The following ATP8B2 variants were observed in gnomAD, a reference collection of about 807,000 sequenced individuals.
The protein encoded by ATP8B2 is phospholipid-transporting ATPase ID.
ATP8B2 carries 70 observed loss-of-function variants against 133.4 expected under a neutral mutation model. The observed-to-expected ratio is 0.52, with a 90% confidence interval of 0.43 to 0.64. The LOEUF (loss-of-function observed/expected upper bound fraction) is 0.64. ATP8B2 is among the 30% of genes least tolerant of loss of function. The pLI is 0.00. For missense variants in ATP8B2, 1,101 were observed against 1,535.7 expected (o/e 0.72, Z 4.73); for synonymous variants, 517 against 589.5 (o/e 0.88, Z 1.78).
rs1285153259 is a variant in ATP8B2, at chr1:154,344,240, C to G, written c.2021C>G (p.Thr674Ser). The G allele has an allele frequency of 2.5e-6, 4 of 1,614,068 alleles. No homozygotes were observed. In the Admixed American group the frequency reaches 6.7e-5, roughly 27 times the overall value. The change falls in exon 19 of 28, where the codon ACC (threonine) becomes AGC (serine). Residue 674 changes from threonine to serine, a missense_variant. Transcript: ENST00000368489. This position sits in a 1 kb window ranked among gnomAD's most constrained non-coding sequence, Gnocchi z 4.1. ...GCCAACATCAAGATTTGGGTGCTAA[C>G]CGGAGACAAGCAAGGTGAGAGCCCA... ...TLANIKIWVL[T>S]GDKQETAVNI...
At chr1:154,342,712 G>T (rs1238459857) in intron 14 of ATP8B2, 84 bp from the exon 15 acceptor site, 4 of 1,528,376 alleles carry the variant, frequency 2.6e-6, no homozygotes, top group Non-Finnish European at 2.7e-6. Flanking sequence ...AGCCTACTGA[G>T]AGTTGGGAGG....
chr1:154,346,742 C>A lies in ATP8B2; in HGVS notation c.3147C>A (p.Asn1049Lys). The A allele has an allele frequency of 6.2e-7, 1 of 1,614,204 alleles. No individual in the cohort carries two copies. The highest frequency in any genetic ancestry group is 8.5e-7 in the Non-Finnish European group (1 of 1,180,040). ...HSNGLFDMFP[N>K]QFRFVGNAQN... ...ATGGGCTCTTCGACATGTTTCCCAA[C>A]CAGTTCCGGTTTGTGGGTAAGTCCC... The change falls in exon 26 of 28, where the codon AAC becomes AAA. Residue 1049 changes from asparagine to lysine, a missense_variant. Asn to Lys is a moderately conservative substitution (Grantham distance 94, BLOSUM62 0). Transcript: ENST00000368489. The surrounding 1 kb of genome is among the most constrained non-coding windows in gnomAD (Gnocchi z 4.5).
chr1:154,330,919 CA>C lies in ATP8B2; in HGVS notation c.196del (p.Ile66PhefsTer4), dbSNP rs1483915764. 1 of 1,613,560 alleles carries C rather than the reference CA, an allele frequency of 6.2e-7. No individual in the cohort carries two copies. Among genetic ancestry groups the C allele is most frequent in the Admixed American group, 1.7e-5 (1 of 60,016 alleles). On this transcript the variant is annotated frameshift_variant, in exon 4 of 28. Transcript: ENST00000368489. LOFTEE classifies it high-confidence loss of function. ...CCAACACTTACTTCCTGTTCCTCCT[CA>C]TTCTGCAGGTAGGTGACCCATAGTA... ...VANTYFLFLL[I>X]LQLIPQISSL...
chr1:154,337,201 C>G (rs954782558), intron 11 of ATP8B2, 147 bp from the exon 12 acceptor site: 1 of 791,396 alleles, frequency 1.3e-6, no homozygotes, highest in African/African-American at 1.7e-5. Context: ...TGTTGGGCCA[C>G]ATGTGGCCCA....
chr1:154,342,092 G>T (rs1005699892), intron 13 of ATP8B2, among the ~76,000 whole-genome samples: 1 of 152,132 alleles, frequency 6.6e-6, no homozygotes, highest in African/African-American at 2.4e-5. Flanking sequence ...GACCCCTCTT[G>T]TGACTGCTTT....
rs760170364 is a variant in ATP8B2, at chr1:154,351,030, C to G, written c.*1912C>G. On this transcript the variant is annotated 3_prime_UTR_variant, in exon 28 of 28. Transcript: ENST00000368489. ...CCCAGTATCATGTCTGTCTGTGTGT[C>G]TCTCAAGGTGAGAGTCTGATTTTTA... 27 of 151,924 alleles carry G rather than the reference C, an allele frequency of 1.8e-4. No homozygotes were observed. The highest frequency in any genetic ancestry group is 3.7e-4 in the Non-Finnish European group (25 of 67,954). 9.4% of individuals were successfully genotyped at this position (151,924 alleles called of 1,614,324 possible).
At position 154,340,291 on chromosome 1, in the gene ATP8B2, G is replaced by C. The variant is rs1003099826; in HGVS notation, c.1035-563G>C. 1.3e-5 allele frequency among the ~76,000 whole-genome samples: 2 copies of C among 152,126 alleles called. No homozygotes were observed. Among genetic ancestry groups the C allele is most frequent in the Non-Finnish European group, 2.9e-5 (2 of 68,006 alleles). Reference sequence around the variant, plus strand: ...TGGAGTCAGCACCTCAGCCCTGCCCGGTGTTCAGAATCAGGAATGTAGTGC... The same window carrying C: ...TGGAGTCAGCACCTCAGCCCTGCCCCGTGTTCAGAATCAGGAATGTAGTGC... On this transcript the variant is annotated intron_variant, in intron 12 of 27. Coordinates refer to ENST00000368489, the MANE Select transcript of ATP8B2 (RefSeq NM_001370597.1). This position sits in a 1 kb window ranked among gnomAD's most constrained non-coding sequence, Gnocchi z 4.0.
rs1686566943 is a variant in ATP8B2 at position 154,345,937 on chromosome 1, G to A, written c.2778+54G>A. On this transcript the variant is annotated intron_variant, in intron 24 of 27. Coordinates refer to ENST00000368489, the MANE Select transcript of ATP8B2 (RefSeq NM_001370597.1). This position sits in a 1 kb window ranked among gnomAD's most constrained non-coding sequence, Gnocchi z 5.6. Reference sequence around the variant, plus strand: ...ATGCGGGGAAGGTCACTGCTTGAAGGAGTCACATAGACGTGGTGTGTGACA... The same window carrying A: ...ATGCGGGGAAGGTCACTGCTTGAAGAAGTCACATAGACGTGGTGTGTGACA... 3.4e-6 allele frequency: 5 copies of A among 1,476,048 alleles called. No individual in the cohort carries two copies. The highest frequency in any genetic ancestry group is 4.7e-6 in the Non-Finnish European group (5 of 1,056,454). The allele number at this position is 1,476,048 out of a possible 1,614,324, so 91.4% of individuals were successfully genotyped here.
At chr1:154,342,078 T>C (rs977563889) in intron 13 of ATP8B2, among the ~76,000 whole-genome samples, 19 of 152,102 alleles carry the variant, frequency 1.2e-4, no homozygotes, top group Admixed American at 7.9e-4. Context: ...TTATGCAGAG[T>C]GTGGACCCCT....
intron 1 of ATP8B2, among the ~76,000 whole-genome samples, chr1:154,326,254 A>G (rs766905428): frequency 1.3e-5 from 2 of 152,154 alleles, no homozygotes; most frequent in African/African-American, 4.8e-5. Flanking sequence ...GTTGGTGGCC[A>G]GTGAGCTGGA....
In ATP8B2 at chr1:154,331,341, G is replaced by A. The variant is rs544342606; in HGVS notation, c.304-103G>A. On this transcript the variant is annotated intron_variant, in intron 5 of 27. Coordinates refer to ENST00000368489, the MANE Select transcript of ATP8B2 (RefSeq NM_001370597.1). This position sits in a 1 kb window ranked among gnomAD's most constrained non-coding sequence, Gnocchi z 4.8. Reference sequence around the variant, plus strand: ...TCAGGGAGTGAACTGGTTTGTGATGGGGTGTGTATGAGGCGTTAACCAGCA... The same window carrying A: ...TCAGGGAGTGAACTGGTTTGTGATGAGGTGTGTATGAGGCGTTAACCAGCA... The A allele has an allele frequency of 2.4e-5, 31 of 1,287,052 alleles. No individual in the cohort carries two copies. In the African/African-American group the frequency reaches 4.2e-4, roughly 18 times the overall value. 79.7% of individuals were successfully genotyped at this position (1,287,052 alleles called of 1,614,324 possible). A position where few individuals can be genotyped will look rare whatever the true frequency, so the allele number is the denominator to read the frequency against.
In ATP8B2 at chr1:154,331,886, G is replaced by A; in HGVS notation, c.439-68G>A. 6.7e-7 allele frequency: 1 copy of A among 1,495,930 alleles called. No individual in the cohort carries two copies. Among genetic ancestry groups the A allele is most frequent in the Non-Finnish European group, 9.3e-7 (1 of 1,073,360 alleles). The allele number at this position is 1,495,930 out of a possible 1,614,324, so 92.7% of individuals were successfully genotyped here. A position where few individuals can be genotyped will look rare whatever the true frequency, so the allele number is the denominator to read the frequency against. ...AAACCAAGAATGCTTAGTGGAAGGAGCCACCATTACAGCCCACTGGGGGTG... is the reference window on the plus strand; with the variant it reads ...AAACCAAGAATGCTTAGTGGAAGGAACCACCATTACAGCCCACTGGGGGTG... On this transcript the variant is annotated intron_variant, in intron 7 of 27. Transcript: ENST00000368489. The surrounding 1 kb of genome is among the most constrained non-coding windows in gnomAD (Gnocchi z 4.8).
Position 154,344,277 on chromosome 1 carries a change from C to T in ATP8B2, c.2035+23C>T. 6.2e-7 allele frequency: 1 copy of T among 1,614,014 alleles called. No homozygotes were observed. The highest frequency in any genetic ancestry group is 8.5e-7 in the Non-Finnish European group (1 of 1,179,866). ...AAGGTGAGAGCCCAGCAGGGCAGAG[C>T]CAGTTGCAACTGACAGTAGCCCTGT... On this transcript the variant is annotated intron_variant, in intron 19 of 27. Transcript: ENST00000368489. The surrounding 1 kb of genome is among the most constrained non-coding windows in gnomAD (Gnocchi z 4.1).
At position 154,340,661 on chromosome 1, in the gene ATP8B2, C is replaced by T. The variant is rs1420915074; in HGVS notation, c.1035-193C>T. 1.5e-5 allele frequency: 9 copies of T among 615,058 alleles called. No individual in the cohort carries two copies. Among genetic ancestry groups the T allele is most frequent in the African/African-American group, 1.1e-4 (6 of 53,826 alleles). The allele number at this position is 615,058 out of a possible 1,614,324, so 38.1% of individuals were successfully genotyped here. A position where few individuals can be genotyped will look rare whatever the true frequency, so the allele number is the denominator to read the frequency against. On this transcript the variant is annotated intron_variant, in intron 12 of 27. Transcript: ENST00000368489. The surrounding 1 kb of genome is among the most constrained non-coding windows in gnomAD (Gnocchi z 4.0). ...GAGCATCAGGAGGGTCGGGTCGGGG[C>T]GTTCCTCTGCTGGCTGTGTGCAGCC...
rs141457358 is a variant in ATP8B2, at chr1:154,343,899, G to T, written c.1765G>T (p.Ala589Ser). 2.5e-6 allele frequency: 4 copies of T among 1,608,898 alleles called. No individual in the cohort carries two copies. Among genetic ancestry groups the T allele is most frequent in the Non-Finnish European group, 3.4e-6 (4 of 1,177,526 alleles). ...NTTMDHLNEY[A>S]GEGLRTLVLA... ...CTTTCCACTCTGCCTCCAGGAGTACGCAGGGGAAGGGCTGAGGACCCTGGT... is the reference window on the plus strand; with the variant it reads ...CTTTCCACTCTGCCTCCAGGAGTACTCAGGGGAAGGGCTGAGGACCCTGGT... Residue 589 changes from alanine to serine, a missense_variant, in exon 18 of 28, where the codon GCA becomes TCA. Physicochemically the swap from Ala to Ser is moderately conservative, Grantham distance 99 (BLOSUM62 1). Coordinates refer to ENST00000368489, the MANE Select transcript of ATP8B2 (RefSeq NM_001370597.1). The surrounding 1 kb of genome is among the most constrained non-coding windows in gnomAD (Gnocchi z 5.8).
Position 154,347,513 on chromosome 1 carries a change from C to T in ATP8B2, c.3163+755C>T, listed in dbSNP as rs73022701. Among the ~76,000 whole-genome samples the T allele has an allele frequency of 2.9e-3, 442 of 152,198 alleles. 6 individuals are homozygous for T. Among genetic ancestry groups the T allele is most frequent in the African/African-American group, 9.9e-3 (411 of 41,506 alleles). On this transcript the variant is annotated intron_variant, in intron 26 of 27. Transcript: ENST00000368489. The stretch of plus-strand genomic sequence containing the variant: ...TTATGTTTTTAAAGGGCCGCTCTTA[C>T]AGTTTCGTGGATAATAAAGTGTAGG...
intron 11 of ATP8B2, among the ~76,000 whole-genome samples, chr1:154,336,986 C>T (rs747729427): frequency 1.6e-4 from 24 of 148,544 alleles, no homozygotes; most frequent in Non-Finnish European, 3.0e-4. Context: ...TTAGTAGAGA[C>T]GGGGTTTCAC....
intron 9 of ATP8B2, among the ~76,000 whole-genome samples, chr1:154,333,089 T>C (rs1207050131): frequency 6.6e-6 from 1 of 152,130 alleles, no homozygotes; most frequent in African/African-American, 2.4e-5. Context: ...GTGGGCGGAT[T>C]GCCTGAGGCC....
intron 9 of ATP8B2, among the ~76,000 whole-genome samples, chr1:154,333,744 C>T (rs1487654583): frequency 1.3e-5 from 2 of 151,008 alleles, no homozygotes; most frequent in East Asian, 2.0e-4. Context: ...AAGCGATCCT[C>T]GTGCCTCAGC....
Sources: gnomAD v4.1 joint callset for allele counts (sites outside exome capture counted in the v4.1 genomes callset) on GRCh38, gnomAD v4.1.1 for gene constraint, Gnocchi (gnomAD v3.1) non-coding constraint, MANE v1.5 for transcripts, NCBI Gene and HGNC (gene_info 2026-07-23, HGNC 2026-07-21) for gene names.